Variants in IL17RD observed in about 807,000 individuals in gnomAD.
The protein encoded by IL17RD is interleukin 17 receptor D.
IL17RD carries 52 observed loss-of-function variants against 80.5 expected under a neutral mutation model. That is an observed-to-expected ratio of 0.65 (90% CI 0.52 to 0.81). The LOEUF (loss-of-function observed/expected upper bound fraction) is 0.81. Ranked by LOEUF, IL17RD falls within the 40% of genes least tolerant of loss-of-function variation. The probability of loss-of-function intolerance (pLI) is 0.00; values close to 1 mark genes in which losing one functional copy is unlikely to be tolerated. For missense variants in IL17RD, 1,024 were observed against 955.1 expected (o/e 1.07, Z -0.95); for synonymous variants, 416 against 391.8 (o/e 1.06, Z -0.73).
chr3:57,097,308 G>A (rs1706702124), intron 12 of IL17RD, among the ~76,000 whole-genome samples: 2 of 152,170 alleles, frequency 1.3e-5, no homozygotes, highest in Admixed American at 1.3e-4. Flanking sequence ...TTTCGTGTCT[G>A]ATGTTTTTGG....
intron 1 of IL17RD, among the ~76,000 whole-genome samples, chr3:57,149,329 G>A (rs753918229): frequency 1.0e-4 from 15 of 150,394 alleles, no homozygotes; most frequent in Non-Finnish European, 1.8e-4. Context: ...TCCTTCACTC[G>A]GCAGAATTGT....
At chr3:57,116,522 T>TA (rs1707220464) in intron 2 of IL17RD, among the ~76,000 whole-genome samples, 1 of 152,052 alleles carries the variant, frequency 6.6e-6, no homozygotes, top group African/African-American at 2.4e-5. Context: ...CGACCTCAGG[T>TA]GATCCACCCA....
In IL17RD at chr3:57,165,332, C is replaced by T; in HGVS notation, c.-46G>A. 1 of 1,295,280 alleles carries T rather than the reference C, an allele frequency of 7.7e-7. No homozygotes were observed. The highest frequency in any genetic ancestry group is 9.8e-7 in the Non-Finnish European group (1 of 1,016,734). The allele number at this position is 1,295,280 out of a possible 1,614,324, so 80.2% of individuals were successfully genotyped here. ...AGGCCGTTCTCTGCGCCCCGGCCGC[C>T]CGCCGCTGGCCAGCCCCGAGTGGGC... On this transcript the variant is annotated 5_prime_UTR_variant, in exon 1 of 13. Transcript: ENST00000296318.
intron 3 of IL17RD, among the ~76,000 whole-genome samples, chr3:57,112,542 A>G (rs1707123092): frequency 6.6e-6 from 1 of 152,220 alleles, no homozygotes; most frequent in Admixed American, 6.5e-5. Context: ...TCACCAGCTC[A>G]CATCTCTTAC....
intron 1 of IL17RD, among the ~76,000 whole-genome samples, chr3:57,133,458 G>C (rs1413481613): frequency 6.6e-6 from 1 of 152,090 alleles, no homozygotes; most frequent in Non-Finnish European, 1.5e-5. Flanking sequence ...TTAAATCATT[G>C]TATGACATTT....
intron 1 of IL17RD, among the ~76,000 whole-genome samples, chr3:57,144,382 TGTG>T (rs1190158251): frequency 6.6e-6 from 1 of 152,210 alleles, no homozygotes; most frequent in Non-Finnish European, 1.5e-5. Context: ...TCACAGACCC[TGTG>T]GAGGAGTCCA....
In IL17RD at chr3:57,134,067, G is replaced by A; in HGVS notation, c.127-13754C>T. Reference sequence around the variant, plus strand: ...ATTCTTTTTTAAAGGAAAGTCCAAAGGTTCTGGCTAAACTGACTTTAAACT... The same window carrying A: ...ATTCTTTTTTAAAGGAAAGTCCAAAAGTTCTGGCTAAACTGACTTTAAACT... On this transcript the variant is annotated intron_variant, in intron 1 of 12. Transcript: ENST00000296318. 7.2e-6 allele frequency: 3 copies of A among 414,378 alleles called. No homozygotes were observed. The Admixed American group carries it at 1.1e-4, about 15-fold the overall frequency. The allele number at this position is 414,378 out of a possible 1,614,324, so 25.7% of individuals were successfully genotyped here. A position where few individuals can be genotyped will look rare whatever the true frequency, so the allele number is the denominator to read the frequency against.
At position 57,091,673 on chromosome 3, in the gene IL17RD, T is replaced by C. The variant is rs1706557711; in HGVS notation, c.*4720A>G. 1.3e-5 allele frequency: 2 copies of C among 152,576 alleles called. No homozygotes were observed. Among genetic ancestry groups the C allele is most frequent in the Admixed American group, 1.3e-4 (2 of 15,278 alleles). 9.5% of individuals were successfully genotyped at this position (152,576 alleles called of 1,614,324 possible). On this transcript the variant is annotated 3_prime_UTR_variant, in exon 13 of 13. Coordinates refer to ENST00000296318, the MANE Select transcript of IL17RD (RefSeq NM_017563.5). ...GGATGACTTCACTGTGGTTTTTGAA[T>C]ACATGGAAGGTGACCAGCTGTTCTT...
At chr3:57,143,167 C>A (rs6801574) in intron 1 of IL17RD, among the ~76,000 whole-genome samples, 1 of 152,036 alleles carries the variant, frequency 6.6e-6, no homozygotes, top group Non-Finnish European at 1.5e-5. Flanking sequence ...CAGAGGAAAA[C>A]GGTATGTCAA....
Position 57,096,396 on chromosome 3 carries a change from C to T in IL17RD, c.2217G>A (p.Leu739=), listed in dbSNP as rs1706671867. The T allele has an allele frequency of 6.2e-7, 1 of 1,611,356 alleles. No homozygotes were observed. Among genetic ancestry groups the T allele is most frequent in the Non-Finnish European group, 8.5e-7 (1 of 1,177,592 alleles). Reference sequence around the variant, plus strand: ...ATGCTTAGACTCTTTCGTTTTGTTACAAAGGGGCGACCGCGTGGAGTTCAT... The same window carrying T: ...ATGCTTAGACTCTTTCGTTTTGTTATAAAGGGGCGACCGCGTGGAGTTCAT... ...YTDELHAVAP[L] The change falls in exon 13 of 13, where the codon TTG becomes TTA. Residue 739 remains leucine, a synonymous_variant. Coordinates refer to ENST00000296318, the MANE Select transcript of IL17RD (RefSeq NM_017563.5).
At chr3:57,100,434 T>G (rs1706801760) in intron 11 of IL17RD, among the ~76,000 whole-genome samples, 1 of 152,248 alleles carries the variant, frequency 6.6e-6, no homozygotes, top group South Asian at 2.1e-4. Flanking sequence ...AGTTTCAGAC[T>G]TCACTCTAAA....
chr3:57,165,953 C>T (rs1482796259), upstream of IL17RD, among the ~76,000 whole-genome samples: 6 of 152,148 alleles, frequency 3.9e-5, no homozygotes, highest in Admixed American at 6.5e-5. Context: ...AACAAGTGCT[C>T]CATAAAGGCT....
intron 1 of IL17RD, among the ~76,000 whole-genome samples, chr3:57,146,789 G>A (rs1313074426): frequency 2.8e-5 from 4 of 143,828 alleles, no homozygotes; most frequent in South Asian, 2.2e-4. Flanking sequence ...TTATATAAAC[G>A]TCAATATTTC....
chr3:57,128,691 T>C (rs967118152), intron 1 of IL17RD, among the ~76,000 whole-genome samples: 8 of 152,152 alleles, frequency 5.3e-5, no homozygotes, highest in African/African-American at 1.9e-4. Flanking sequence ...TGCATATATT[T>C]TTTAATGTTC....
chr3:57,125,821 T>G (rs1172068209), intron 1 of IL17RD, among the ~76,000 whole-genome samples: 2 of 152,310 alleles, frequency 1.3e-5, no homozygotes, highest in African/African-American at 4.8e-5. Context: ...AAGGAGAGGC[T>G]GAAGACAGAG....
chr3:57,130,473 A>G (rs1368210769), intron 1 of IL17RD, among the ~76,000 whole-genome samples: 1 of 152,200 alleles, frequency 6.6e-6, no homozygotes, highest in Middle Eastern at 3.2e-3. Context: ...ATATTCTCCC[A>G]TTCATTCTGA....
rs958680583 is a variant in IL17RD, at chr3:57,096,363, A to C, written c.*30T>G. The C allele has an allele frequency of 5.5e-6, 8 of 1,458,034 alleles. No homozygotes were observed. The highest frequency in any genetic ancestry group is 7.7e-6 in the Non-Finnish European group (8 of 1,037,448). 90.3% of individuals were successfully genotyped at this position (1,458,034 alleles called of 1,614,324 possible). On this transcript the variant is annotated 3_prime_UTR_variant, in exon 13 of 13. Coordinates refer to ENST00000296318, the MANE Select transcript of IL17RD (RefSeq NM_017563.5). ...GGGAATCAGAGGGAGGCAGCAGCTAAAGTGGCAATGCTTAGACTCTTTCGT... is the reference window on the plus strand; with the variant it reads ...GGGAATCAGAGGGAGGCAGCAGCTACAGTGGCAATGCTTAGACTCTTTCGT...
upstream of IL17RD, chr3:57,169,478 C>T: frequency 5.0e-6 from 1 of 199,018 alleles, no homozygotes; most frequent in Non-Finnish European, 1.0e-5. Context: ...TATAACCTAG[C>T]CAGATAAGAA....
At position 57,146,045 on chromosome 3, in the gene IL17RD, G is replaced by GCGCGCGCGCA. The variant is rs766646872; in HGVS notation, c.126+19115_126+19116insTGCGCGCGCG. ...CACACACACTCACGCGCGCGCGCGC[G>GCGCGCGCGCA]CACACACACACACACTGATGCATGC... On this transcript the variant is annotated intron_variant, in intron 1 of 12. Coordinates refer to ENST00000296318, the MANE Select transcript of IL17RD (RefSeq NM_017563.5). Among the ~76,000 whole-genome samples the GCGCGCGCGCA allele has an allele frequency of 3.4e-4, 52 of 151,136 alleles. 1 individual carries two copies. Among genetic ancestry groups the GCGCGCGCGCA allele is most frequent in the Non-Finnish European group, 5.3e-4 (36 of 67,760 alleles).
Sources: gnomAD v4.1 joint callset for allele counts (sites outside exome capture counted in the v4.1 genomes callset) on GRCh38, gnomAD v4.1.1 for gene constraint, MANE v1.5 for transcripts, NCBI Gene and HGNC (gene_info 2026-07-23, HGNC 2026-07-21) for gene names.